STARD13: variants seen among roughly 807,000 people sequenced by gnomAD.
STARD13 encodes stAR-related lipid transfer protein 13.
STARD13 carries 62 observed loss-of-function variants against 106.4 expected under a neutral mutation model. The observed-to-expected ratio is 0.58, with a 90% CI of 0.48 to 0.72. The LOEUF is 0.72. Ranked by LOEUF, STARD13 falls within the 30% of genes least tolerant of loss-of-function variation. The pLI, the probability that STARD13 is intolerant of heterozygous loss-of-function variation, is 0.00. For missense variants in STARD13, 1,387 were observed against 1,424.0 expected, an observed-to-expected ratio of 0.97 and a Z score of 0.42; for synonymous variants, 565 against 553.0, an observed-to-expected ratio of 1.02 and a Z score of -0.31.
At chr13:33,112,597 T>C in intron 9 of STARD13, 124 bp downstream of exon 9, 5 of 783,688 alleles carry the variant, frequency 6.4e-6, no homozygotes, top group South Asian at 2.0e-5. Context: ...TACCTATCTA[T>C]CTATAATCTG....
the STARD13 span, among the ~76,000 whole-genome samples, chr13:33,487,033 G>A: frequency 3.3e-5 from 5 of 152,170 alleles, no homozygotes; most frequent in Admixed American, 6.5e-5. Flanking sequence ...CTTTTAGAAA[G>A]TATGGTTATT....
the STARD13 span, among the ~76,000 whole-genome samples, chr13:33,430,616 C>CAATA: frequency 2.6e-5 from 4 of 152,168 alleles, no homozygotes; most frequent in Admixed American, 6.5e-5. Flanking sequence ...GACAAGATAT[C>CAATA]TGCAGTCCCA....
At chr13:33,502,526 A>G in the STARD13 span, among the ~76,000 whole-genome samples, 2 of 152,188 alleles carry the variant, frequency 1.3e-5, no homozygotes, top group Admixed American at 6.5e-5. Context: ...TGGATTTGTC[A>G]TAAATAGCTC....
intron 1 of STARD13, among the ~76,000 whole-genome samples, chr13:33,273,593 G>A (rs1891267125): frequency 6.6e-6 from 1 of 152,166 alleles, no homozygotes; most frequent in Non-Finnish European, 1.5e-5. Flanking sequence ...CAGATTTGTA[G>A]GCAGTCTTTC....
the STARD13 span, among the ~76,000 whole-genome samples, chr13:33,538,930 G>T: frequency 9.9e-5 from 15 of 151,906 alleles, no homozygotes; most frequent in Non-Finnish European, 1.3e-4. Context: ...CCACCATGCC[G>T]GACTAATTTT....
At chr13:33,497,812 C>T in the STARD13 span, among the ~76,000 whole-genome samples, 6 of 152,248 alleles carry the variant, frequency 3.9e-5, 1 homozygote, top group South Asian at 6.2e-4. Flanking sequence ...TGGAATTAGA[C>T]GTGTGAGAGC....
chr13:33,190,613 G>C (rs1594079829), intron 1 of STARD13, among the ~76,000 whole-genome samples: 1 of 139,094 alleles, frequency 7.2e-6, no homozygotes, highest in African/African-American at 2.7e-5. Flanking sequence ...TTGAGACCAA[G>C]TCTCACTCTA....
chr13:33,655,579 A>G, the STARD13 span, among the ~76,000 whole-genome samples: 4 of 152,016 alleles, frequency 2.6e-5, no homozygotes, highest in African/African-American at 9.7e-5. Flanking sequence ...ATATATTTTT[A>G]TTGGACCGGA....
the STARD13 span, among the ~76,000 whole-genome samples, chr13:33,554,183 A>T: frequency 2.0e-5 from 3 of 152,218 alleles, no homozygotes; most frequent in African/African-American, 7.2e-5. Context: ...AACATTAAAT[A>T]CTCAGGAGAT....
chr13:33,325,723 G>T (rs183745580), intron 1 of STARD13, among the ~76,000 whole-genome samples: 149 of 152,222 alleles, frequency 9.8e-4, no homozygotes, highest in African/African-American at 3.4e-3. Context: ...GGCCGGGCGC[G>T]GTGGCTCACG....
At chr13:33,650,059 G>T in the STARD13 span, among the ~76,000 whole-genome samples, 1 of 149,318 alleles carries the variant, frequency 6.7e-6, no homozygotes, top group African/African-American at 2.5e-5. Flanking sequence ...GAAACAAACC[G>T]CAGCCTCAAC....
chr13:33,214,805 C>G (rs1887935625), intron 1 of STARD13, among the ~76,000 whole-genome samples: 1 of 151,328 alleles, frequency 6.6e-6, no homozygotes, highest in African/African-American at 2.4e-5. Context: ...TCTAAAACAA[C>G]CAGAATGTGC....
chr13:33,518,306 T>G, the STARD13 span, among the ~76,000 whole-genome samples: 2 of 152,090 alleles, frequency 1.3e-5, no homozygotes, highest in East Asian at 1.9e-4. Flanking sequence ...AAGTATAAAT[T>G]TATCCATCGA....
the STARD13 span, among the ~76,000 whole-genome samples, chr13:33,453,413 T>C: frequency 6.6e-6 from 1 of 152,230 alleles, no homozygotes; most frequent in Non-Finnish European, 1.5e-5. Flanking sequence ...CTCAAGTAAC[T>C]TCATGAATAA....
chr13:33,154,650 G>C (rs1048989770), intron 3 of STARD13, among the ~76,000 whole-genome samples: 3 of 152,140 alleles, frequency 2.0e-5, no homozygotes, highest in Non-Finnish European at 4.4e-5. Context: ...GGTTTTCTTG[G>C]ACCTCTTTAG....
the STARD13 span, among the ~76,000 whole-genome samples, chr13:33,639,992 G>A: frequency 5.9e-5 from 9 of 152,188 alleles, no homozygotes; most frequent in Non-Finnish European, 1.3e-4. Flanking sequence ...ATGGGTGAGA[G>A]GAGACCTTCT....
the STARD13 span, among the ~76,000 whole-genome samples, chr13:33,601,773 G>A: frequency 2.0e-5 from 3 of 151,994 alleles, no homozygotes; most frequent in Admixed American, 6.6e-5. Flanking sequence ...ACCATGTTCC[G>A]GAGATCCCTG....
chr13:33,350,328 T>C, exon 1 of STARD13: 5 of 1,534,484 alleles, frequency 3.3e-6, no homozygotes, highest in Non-Finnish European at 4.4e-6. Flanking sequence ...CCACAGCAGA[T>C]CCCAGGCTCT....
chr13:33,528,188 T>TATATATATATAC, the STARD13 span, among the ~76,000 whole-genome samples: 1 of 137,752 alleles, frequency 7.3e-6, no homozygotes, highest in African/African-American at 3.0e-5. Flanking sequence ...TATATATATA[T>TATATATATATAC]ACACACACAC....
Sources: gnomAD v4.1 joint callset for allele counts (sites outside exome capture counted in the v4.1 genomes callset) on GRCh38, gnomAD v4.1.1 for gene constraint, MANE v1.5 for transcripts, NCBI Gene and HGNC (gene_info 2026-07-23, HGNC 2026-07-21) for gene names.